Variants in GPR158 observed in about 807,000 individuals in gnomAD.
GPR158 encodes G protein-coupled receptor 158.
Under a neutral mutation model 78.2 loss-of-function variants are expected in GPR158, and 30 were observed. The observed-to-expected ratio is 0.38, with a 90% CI of 0.29 to 0.52. GPR158 has a LOEUF of 0.52. Among genes scored for constraint, GPR158 ranks in the 20% least tolerant of loss-of-function variants. GPR158 has a pLI of 0.83. For missense variants in GPR158, 1,463 were observed against 1,523.5 expected (o/e 0.96, Z 0.66); for synonymous variants, 581 against 591.1 (o/e 0.98, Z 0.25).
rs188626734 is a variant in GPR158 at position 25,524,116 on chromosome 10, C to T, written c.1405-26860C>T. ...ATTTACAAATCTAATAAAAGAAGTGCAAGACTATACAATGAAAACTACAAA... is the reference window on the plus strand; with the variant it reads ...ATTTACAAATCTAATAAAAGAAGTGTAAGACTATACAATGAAAACTACAAA... On this transcript the variant is annotated intron_variant, in intron 5 of 10. Coordinates refer to ENST00000376351, the MANE Select transcript of GPR158 (RefSeq NM_020752.3). Among the ~76,000 whole-genome samples, 5 of 152,122 alleles carry T rather than the reference C, an allele frequency of 3.3e-5. No homozygotes were observed. In the East Asian group the frequency reaches 7.7e-4, roughly 24 times the overall value.
chr10:25,418,081 T>TG (rs1588853173), intron 4 of GPR158, among the ~76,000 whole-genome samples: 1 of 152,288 alleles, frequency 6.6e-6, no homozygotes. Flanking sequence ...CCAGTCCTTT[T>TG]GGGCAGGAAG....
chr10:25,446,656 ACATT>A (rs1015237134), intron 4 of GPR158, among the ~76,000 whole-genome samples: 5 of 152,328 alleles, frequency 3.3e-5, no homozygotes, highest in African/African-American at 1.2e-4. Flanking sequence ...TAAACCAGAA[ACATT>A]CTATTTAATT....
chr10:25,227,200 A>G (rs1853385597), intron 2 of GPR158, among the ~76,000 whole-genome samples: 1 of 152,228 alleles, frequency 6.6e-6, no homozygotes, highest in Non-Finnish European at 1.5e-5. Context: ...TGGGGAGCCT[A>G]ATAAGTCAGT....
chr10:25,581,352 G>A (rs79943013), intron 7 of GPR158, among the ~76,000 whole-genome samples: 10,990 of 152,224 alleles, frequency 0.072, 491 homozygotes, highest in African/African-American at 0.13. Context: ...GAGCCACCAT[G>A]TGTGACCTTA....
chr10:25,364,553 T>TA (rs1387908774), intron 2 of GPR158, among the ~76,000 whole-genome samples: 1 of 151,926 alleles, frequency 6.6e-6, no homozygotes, highest in Non-Finnish European at 1.5e-5. Flanking sequence ...TCTTTAATGC[T>TA]AATGCTGATT....
chr10:25,361,619 A>G (rs148186450), intron 2 of GPR158, among the ~76,000 whole-genome samples: 161 of 152,034 alleles, frequency 1.1e-3, no homozygotes, highest in African/African-American at 3.8e-3. Flanking sequence ...TTCTTTTGAT[A>G]GTAGCTATAC....
chr10:25,507,350 G>A (rs1836027033), intron 5 of GPR158, among the ~76,000 whole-genome samples: 1 of 152,198 alleles, frequency 6.6e-6, no homozygotes, highest in Non-Finnish European at 1.5e-5. Flanking sequence ...CCACCCTTCA[G>A]AAAGAAGATA....
intron 2 of GPR158, among the ~76,000 whole-genome samples, chr10:25,339,020 C>CTTT (rs55774828): frequency 7.3e-6 from 1 of 137,232 alleles, no homozygotes; most frequent in Non-Finnish European, 1.6e-5. Context: ...TTCTTTCTTT[C>CTTT]TTTTTTTTTT....
chr10:25,461,656 G>C (rs143886754), intron 4 of GPR158, among the ~76,000 whole-genome samples: 1 of 152,050 alleles, frequency 6.6e-6, no homozygotes, highest in Non-Finnish European at 1.5e-5. Context: ...CATCAATGAA[G>C]GTAGCTACAT....
intron 1 of GPR158, among the ~76,000 whole-genome samples, chr10:25,213,116 T>C (rs994793471): frequency 6.6e-6 from 1 of 152,174 alleles, no homozygotes; most frequent in Non-Finnish European, 1.5e-5. Flanking sequence ...TAATGACAAA[T>C]ATCTTCACTT....
At chr10:25,486,406 A>G (rs1835736217) in intron 5 of GPR158, among the ~76,000 whole-genome samples, 1 of 152,220 alleles carries the variant, frequency 6.6e-6, no homozygotes, top group East Asian at 1.9e-4. Context: ...GCCTCTTTAG[A>G]CCTCTATTTC....
intron 2 of GPR158, among the ~76,000 whole-genome samples, chr10:25,241,081 A>AT (rs1243494273): frequency 2.0e-5 from 3 of 151,558 alleles, no homozygotes; most frequent in Non-Finnish European, 4.4e-5. Flanking sequence ...TTTTCTATGT[A>AT]TTTTTTAACT....
chr10:25,388,723 C>T (rs1408292283), intron 2 of GPR158, among the ~76,000 whole-genome samples: 1 of 152,226 alleles, frequency 6.6e-6, no homozygotes, highest in Non-Finnish European at 1.5e-5. Flanking sequence ...AAGATTCCTG[C>T]ACTCCCATGT....
Position 25,202,142 on chromosome 10 carries a change from T to C in GPR158, c.903-18910T>C, listed in dbSNP as rs565982311. 1.6e-4 allele frequency among the ~76,000 whole-genome samples: 24 copies of C among 152,222 alleles called. No homozygotes were observed. The South Asian group carries it at 4.1e-3, about 26-fold the overall frequency. On this transcript the variant is annotated intron_variant, in intron 1 of 10. Transcript: ENST00000376351. Reference sequence around the variant, plus strand: ...TCTGTTTGGTAGGCTTTTTATACTTTTTACTTCTATACTTTTTATACTGAT... The same window carrying C: ...TCTGTTTGGTAGGCTTTTTATACTTCTTACTTCTATACTTTTTATACTGAT...
intron 2 of GPR158, among the ~76,000 whole-genome samples, chr10:25,262,598 C>T (rs540063502): frequency 2.5e-4 from 38 of 152,070 alleles, no homozygotes; most frequent in African/African-American, 9.2e-4. Context: ...AGGTTCAAAC[C>T]AAAATGAGTG....
intron 4 of GPR158, among the ~76,000 whole-genome samples, chr10:25,460,787 A>G (rs561487607): frequency 1.3e-5 from 2 of 152,304 alleles, no homozygotes; most frequent in South Asian, 4.1e-4. Context: ...TGTGTCTTAC[A>G]AATTAAAGGT....
intron 5 of GPR158, among the ~76,000 whole-genome samples, chr10:25,479,546 C>A (rs994422899): frequency 9.9e-5 from 15 of 152,014 alleles, no homozygotes; most frequent in Admixed American, 9.2e-4. Context: ...TCCCAAGTAG[C>A]TGGGATTACA....
chr10:25,357,984 A>G (rs1855576402), intron 2 of GPR158, among the ~76,000 whole-genome samples: 1 of 152,148 alleles, frequency 6.6e-6, no homozygotes, highest in Non-Finnish European at 1.5e-5. Flanking sequence ...TCTGAAGACC[A>G]TGGGAAACCA....
At chr10:25,232,379 C>T (rs1853460246) in intron 2 of GPR158, among the ~76,000 whole-genome samples, 1 of 152,154 alleles carries the variant, frequency 6.6e-6, no homozygotes, top group Admixed American at 6.5e-5. Flanking sequence ...GGAAAGTTGT[C>T]AAAGCTTTCA....
Sources: allele counts gnomAD v4.1 joint callset (sites outside exome capture counted in the v4.1 genomes callset), GRCh38; gene constraint gnomAD v4.1.1; transcripts MANE v1.5; gene names NCBI Gene and HGNC (gene_info 2026-07-23, HGNC 2026-07-21).